RNF144B: variants seen among roughly 807,000 people sequenced by gnomAD.
RNF144B encodes ring finger protein 144B, also known as E3 ubiquitin-protein ligase RNF144B.
RNF144B carries 25 observed loss-of-function variants against 40.2 expected under a neutral mutation model. The observed-to-expected ratio is 0.62, with a 90% CI of 0.45 to 0.87. The LOEUF (loss-of-function observed/expected upper bound fraction) is 0.87. Among genes scored for constraint, RNF144B ranks in the 40% least tolerant of loss-of-function variants. The pLI is 0.00. For synonymous variants in RNF144B, 145 were observed against 136.3 expected (o/e 1.06, Z -0.44); for missense variants, 365 against 373.7 (o/e 0.98, Z 0.19).
chr6:18,455,042 A>G (rs534932241), intron 4 of RNF144B, among the ~76,000 whole-genome samples: 24 of 152,356 alleles, frequency 1.6e-4, no homozygotes, highest in Non-Finnish European at 2.9e-4. Flanking sequence ...TCTAAGTTAC[A>G]TACTAACCTT....
rs1478735382 is a variant in RNF144B, at chr6:18,444,441, C to G, written c.331+4697C>G. Among the ~76,000 whole-genome samples, 1 of 151,874 alleles carries G rather than the reference C, an allele frequency of 6.6e-6. No homozygotes were observed. The highest frequency in any genetic ancestry group is 1.9e-4 in the East Asian group (1 of 5,182). On this transcript the variant is annotated intron_variant, in intron 4 of 7. Transcript: ENST00000259939. The surrounding 1 kb of genome is among the most constrained non-coding windows in gnomAD (Gnocchi z 4.3). ...CAAGAATTTTTCTTGCCTCTTGTTT[C>G]CAGAGTCTACTTTTTCAAAATAGTT...
chr6:18,464,800 G>T lies in RNF144B; in HGVS notation c.772-127G>T. 1.1e-6 allele frequency: 1 copy of T among 889,470 alleles called. No homozygotes were observed. The highest frequency in any genetic ancestry group is 1.7e-5 in the South Asian group (1 of 58,662). 55.1% of individuals were successfully genotyped at this position (889,470 alleles called of 1,614,324 possible). On this transcript the variant is annotated intron_variant, in intron 7 of 7. Transcript: ENST00000259939. The surrounding 1 kb of genome is among the most constrained non-coding windows in gnomAD (Gnocchi z 6.1). Reference sequence around the variant, plus strand: ...CAAATACCGTCACATCGGGGATTTAGGGTTTCAACATATGAGCTTCAGGGG... The same window carrying T: ...CAAATACCGTCACATCGGGGATTTATGGTTTCAACATATGAGCTTCAGGGG...
At chr6:18,415,027 T>G (rs1189414897) in intron 2 of RNF144B, among the ~76,000 whole-genome samples, 1 of 152,208 alleles carries the variant, frequency 6.6e-6, no homozygotes, top group African/African-American at 2.4e-5. Context: ...GCATGTAACC[T>G]ATGTACATCC....
chr6:18,409,406 C>A (rs1163806229), intron 2 of RNF144B, among the ~76,000 whole-genome samples: 1 of 134,486 alleles, frequency 7.4e-6, no homozygotes, highest in Non-Finnish European at 1.6e-5. Context: ...AAAAAAAACC[C>A]TGGAAAACTC....
intron 3 of RNF144B, among the ~76,000 whole-genome samples, chr6:18,429,624 T>A (rs1758648533): frequency 6.6e-6 from 1 of 152,186 alleles, no homozygotes. Context: ...ATTATTGACT[T>A]TTGTAGGGTA....
At chr6:18,403,817 C>G (rs77348406) in intron 2 of RNF144B, among the ~76,000 whole-genome samples, 2 of 152,144 alleles carry the variant, frequency 1.3e-5, no homozygotes, top group South Asian at 4.1e-4. Context: ...GTGAAGGTCT[C>G]ATGCTAGGTC....
chr6:18,435,737 C>A (rs1039092618), intron 3 of RNF144B, among the ~76,000 whole-genome samples: 1 of 151,942 alleles, frequency 6.6e-6, no homozygotes, highest in Admixed American at 6.6e-5. Flanking sequence ...ATGGATGAAG[C>A]TGGAAACCAT....
chr6:18,415,074 A>G (rs1795124341), intron 2 of RNF144B, among the ~76,000 whole-genome samples: 1 of 152,140 alleles, frequency 6.6e-6, no homozygotes, highest in Admixed American at 6.5e-5. Context: ...GTAACTTATA[A>G]TATCTAATAC....
intron 1 of RNF144B, among the ~76,000 whole-genome samples, chr6:18,394,899 C>CA (rs1794663651): frequency 6.6e-6 from 1 of 152,160 alleles, no homozygotes; most frequent in Non-Finnish European, 1.5e-5. Flanking sequence ...AGTGCAAACT[C>CA]AGACGTTTCA....
chr6:18,388,024 T>G (rs1430881591), intron 1 of RNF144B, among the ~76,000 whole-genome samples: 1 of 152,140 alleles, frequency 6.6e-6, no homozygotes, highest in African/African-American at 2.4e-5. Context: ...ACGAGAGCCA[T>G]TCTCAAATTT....
In RNF144B at chr6:18,405,048, A is replaced by G. The variant is rs968037521; in HGVS notation, c.165+5349A>G. On this transcript the variant is annotated intron_variant, in intron 2 of 7. Coordinates refer to ENST00000259939, the MANE Select transcript of RNF144B (RefSeq NM_182757.4). This position sits in a 1 kb window ranked among gnomAD's most constrained non-coding sequence, Gnocchi z 4.5. ...GCTCCAGATTCCCACGTCTTCTACT[A>G]CTATTAAATGGGCCGAACTAAGTTC... 1.3e-5 allele frequency among the ~76,000 whole-genome samples: 2 copies of G among 152,130 alleles called. No individual in the cohort carries two copies. Among genetic ancestry groups the G allele is most frequent in the East Asian group, 1.9e-4 (1 of 5,200 alleles).
intron 3 of RNF144B, among the ~76,000 whole-genome samples, chr6:18,428,720 T>C (rs1002569185): frequency 6.6e-6 from 1 of 152,206 alleles, no homozygotes; most frequent in Non-Finnish European, 1.5e-5. Flanking sequence ...GTTGTTTTCA[T>C]TGCCAGTATA....
chr6:18,432,355 C>T (rs12523927), intron 3 of RNF144B, among the ~76,000 whole-genome samples: 18,985 of 152,170 alleles, frequency 0.12, 1,362 homozygotes, highest in Admixed American at 0.19. Context: ...TGGTGAGAGA[C>T]AGTGACTCAG....
At chr6:18,399,725 A>G (rs765044278) in intron 2 of RNF144B, 26 bp downstream of exon 2, 7 of 1,564,616 alleles carry the variant, frequency 4.5e-6, no homozygotes, top group Non-Finnish European at 6.2e-6. Context: ...TGCTTTCACT[A>G]TGAGAAAATA....
chr6:18,423,268 G>T (rs1243736170), intron 2 of RNF144B, among the ~76,000 whole-genome samples: 3 of 152,110 alleles, frequency 2.0e-5, no homozygotes, highest in African/African-American at 7.2e-5. Flanking sequence ...ACTGGCTCAA[G>T]ATGTAGAGGA....
At position 18,416,229 on chromosome 6, in the gene RNF144B, T is replaced by C. The variant is rs934519179; in HGVS notation, c.166-11352T>C. Among the ~76,000 whole-genome samples the C allele has an allele frequency of 6.6e-6, 1 of 152,148 alleles. No homozygotes were observed. The highest frequency in any genetic ancestry group is 2.4e-5 in the African/African-American group (1 of 41,424). On this transcript the variant is annotated intron_variant, in intron 2 of 7. Coordinates refer to ENST00000259939, the MANE Select transcript of RNF144B (RefSeq NM_182757.4). This position sits in a 1 kb window ranked among gnomAD's most constrained non-coding sequence, Gnocchi z 5.5. ...GTATAAAAAGTGGGGCCTCCTTCTG[T>C]TAAGAAAGGCAGCACAAGTGGGACA...
At chr6:18,396,948 T>A (rs538324143) in intron 1 of RNF144B, 38 of 317,520 alleles carry the variant, frequency 1.2e-4, no homozygotes, top group Non-Finnish European at 1.6e-4. Flanking sequence ...AGCTCCTCAG[T>A]AGTTAATGGA....
At chr6:18,428,970 T>G (rs1029971461) in intron 3 of RNF144B, among the ~76,000 whole-genome samples, 1 of 152,114 alleles carries the variant, frequency 6.6e-6, no homozygotes, top group African/African-American at 2.4e-5. Flanking sequence ...GGCAGAAGGA[T>G]TGCTTGAGTT....
intron 2 of RNF144B, among the ~76,000 whole-genome samples, chr6:18,423,523 A>G (rs1758482462): frequency 1.3e-5 from 2 of 152,196 alleles, no homozygotes; most frequent in African/African-American, 4.8e-5. Context: ...TGCCATGTCC[A>G]TCATAATAGG....
Sources: allele counts gnomAD v4.1 joint callset (sites outside exome capture counted in the v4.1 genomes callset), GRCh38; gene constraint gnomAD v4.1.1; non-coding constraint Gnocchi (gnomAD v3.1); transcripts MANE v1.5; gene names NCBI Gene and HGNC (gene_info 2026-07-23, HGNC 2026-07-21).